PCDHA8: variants seen among roughly 807,000 people sequenced by gnomAD.
PCDHA8 encodes the protein protocadherin alpha 8.
In PCDHA8, 53 loss-of-function variants were observed where a neutral mutation model predicts 61.8. That is an observed-to-expected ratio of 0.86 (90% CI 0.69 to 1.08). The LOEUF is 1.08. PCDHA8 is among the 50% of genes least tolerant of loss of function. PCDHA8 has a pLI of 0.00. For synonymous variants in PCDHA8, 618 were observed against 556.6 expected (o/e 1.11, Z -1.55); for missense variants, 1,293 against 1,245.0 (o/e 1.04, Z -0.58).
intron 3 of PCDHA8, among the ~76,000 whole-genome samples, chr5:141,005,701 CAAAAAAAAAAAAAAAAAA>C (rs59860837): frequency 2.6e-4 from 2 of 7,786 alleles, no homozygotes; most frequent in Non-Finnish European, 5.4e-4. Flanking sequence ...AACTCCGTCT[CAAAAAAAAAAAAAAAAAA>C]AAAAAAAAAA....
intron 1 of PCDHA8, chr5:140,868,005 T>C (rs1405523098): frequency 6.6e-6 from 1 of 152,108 alleles, no homozygotes; most frequent in East Asian, 1.9e-4. Flanking sequence ...TATAACTGAA[T>C]TAGATTAAGG....
At chr5:140,952,160 G>A (rs952147312) in intron 1 of PCDHA8, among the ~76,000 whole-genome samples, 1 of 152,044 alleles carries the variant, frequency 6.6e-6, no homozygotes, top group Non-Finnish European at 1.5e-5. Context: ...GGCTTTGTGG[G>A]GTTCAGTTCC....
At chr5:140,844,146 A>G (rs1056681888) in intron 1 of PCDHA8, among the ~76,000 whole-genome samples, 1 of 149,130 alleles carries the variant, frequency 6.7e-6, no homozygotes, top group Non-Finnish European at 1.5e-5. Flanking sequence ...TTGTCTTTAT[A>G]TTTACTTTTA....
At chr5:140,945,955 A>C (rs1174972799) in intron 1 of PCDHA8, among the ~76,000 whole-genome samples, 2 of 152,136 alleles carry the variant, frequency 1.3e-5, no homozygotes, top group African/African-American at 4.8e-5. Context: ...TGACCCTGAA[A>C]GCACAGGCAA....
chr5:140,865,725 A>T (rs1326307411), intron 1 of PCDHA8: 1 of 152,210 alleles, frequency 6.6e-6, no homozygotes, highest in Non-Finnish European at 1.5e-5. Context: ...AGAAGCTGAG[A>T]TGTGTATCTA....
intron 3 of PCDHA8, among the ~76,000 whole-genome samples, chr5:141,006,156 TA>T (rs1554260585): frequency 6.6e-6 from 1 of 151,588 alleles, no homozygotes; most frequent in East Asian, 1.9e-4. Flanking sequence ...AGGAGTGATA[TA>T]ATCTGATTTA....
rs782516685 is a variant in PCDHA8, at chr5:140,883,846, G to T, written c.2394+40131G>T. ...ACGCGCTGCAGCCGTTGGACCACGAGGAGCTGGAGCTGTTGCAGTTCCAGG... is the reference window on the plus strand; with the variant it reads ...ACGCGCTGCAGCCGTTGGACCACGATGAGCTGGAGCTGTTGCAGTTCCAGG... On this transcript the variant is annotated intron_variant, in intron 1 of 3. Coordinates refer to ENST00000531613, the MANE Select transcript of PCDHA8 (RefSeq NM_018911.3). 7 of 1,612,790 alleles carry T rather than the reference G, an allele frequency of 4.3e-6. No individual in the cohort carries two copies. In the East Asian group the frequency reaches 1.3e-4, roughly 31 times the overall value.
chr5:140,931,578 C>T (rs2087609680), intron 1 of PCDHA8, among the ~76,000 whole-genome samples: 1 of 152,008 alleles, frequency 6.6e-6, no homozygotes, highest in South Asian at 2.1e-4. Flanking sequence ...CCCATTCATT[C>T]AGTTGAACAG....
rs142949338 is a variant in PCDHA8 at position 140,927,554 on chromosome 5, T to G, written c.2395-51395T>G. On this transcript the variant is annotated intron_variant, in intron 1 of 3. Coordinates refer to ENST00000531613, the MANE Select transcript of PCDHA8 (RefSeq NM_018911.3). ...CGCTCAGGAGACGCACAAGTCACCA[T>G]CATTGTGGTGGACACAAATGACAAC... The G allele has an allele frequency of 5.6e-6, 9 of 1,614,020 alleles. No individual in the cohort carries two copies. The African/African-American group carries it at 1.1e-4, about 19-fold the overall frequency.
At chr5:140,921,726 A>C (rs1278671755) in intron 1 of PCDHA8, among the ~76,000 whole-genome samples, 1 of 152,170 alleles carries the variant, frequency 6.6e-6, no homozygotes, top group East Asian at 1.9e-4. Flanking sequence ...AATTACTCCC[A>C]TAAAAATTAT....
At position 140,877,186 on chromosome 5, in the gene PCDHA8, A is replaced by C; in HGVS notation, c.2394+33471A>C. On this transcript the variant is annotated intron_variant, in intron 1 of 3. Coordinates refer to ENST00000531613, the MANE Select transcript of PCDHA8 (RefSeq NM_018911.3). The stretch of plus-strand genomic sequence containing the variant: ...GGCACTGCTGGCGACTCCGGCTGGC[A>C]GCGCAGGAGGCGCAGTTAGCGAGTT... 1 of 1,613,832 alleles carries C rather than the reference A, an allele frequency of 6.2e-7. No homozygotes were observed. Among genetic ancestry groups the C allele is most frequent in the Non-Finnish European group, 8.5e-7 (1 of 1,179,822 alleles).
intron 3 of PCDHA8, among the ~76,000 whole-genome samples, chr5:140,988,428 G>A (rs1186229744): frequency 6.6e-6 from 1 of 152,160 alleles, no homozygotes; most frequent in Non-Finnish European, 1.5e-5. Context: ...GAATTTGTTT[G>A]TTTTGGATTG....
At chr5:140,999,138 C>G (rs530740266) in intron 3 of PCDHA8, among the ~76,000 whole-genome samples, 1 of 152,258 alleles carries the variant, frequency 6.6e-6, no homozygotes, top group East Asian at 1.9e-4. Context: ...AATGTCACAG[C>G]CGGAAGTCTT....
intron 1 of PCDHA8, among the ~76,000 whole-genome samples, chr5:140,924,894 CAAAA>C (rs782133089): frequency 1.1e-4 from 8 of 71,470 alleles, no homozygotes; most frequent in African/African-American, 3.4e-4. Flanking sequence ...GAACCTGTCT[CAAAA>C]AAAAAAATAA....
intron 1 of PCDHA8, among the ~76,000 whole-genome samples, chr5:140,921,218 T>G (rs1554200138): frequency 6.6e-6 from 1 of 152,126 alleles, no homozygotes; most frequent in African/African-American, 2.4e-5. Context: ...TTCACGTCTT[T>G]TTTGCTAGAT....
In PCDHA8 at chr5:140,843,615, C is replaced by A. The variant is rs111750019; in HGVS notation, c.2294C>A (p.Pro765Gln). Reference protein sequence around the residue: ...PQRVCSGEGPPKTDLMAFSPC... With the variant: ...PQRVCSGEGPQKTDLMAFSPC... ...AGGGTGTGCTCTGGTGAGGGGCCAC[C>A]GAAGACGGACCTCATGGCCTTCAGC... The change falls in exon 1 of 4, where the codon CCG becomes CAG. Residue 765 changes from proline to glutamine, a missense_variant. Pro to Gln is a moderately conservative substitution (Grantham distance 76, BLOSUM62 -1). Transcript: ENST00000531613. 4.2e-5 allele frequency: 67 copies of A among 1,596,016 alleles called. 5 individuals are homozygous for A. In the African/African-American group the frequency reaches 5.8e-4, roughly 14 times the overall value.
intron 1 of PCDHA8, among the ~76,000 whole-genome samples, chr5:140,964,981 T>C (rs2095867317): frequency 6.6e-6 from 1 of 152,188 alleles, no homozygotes; most frequent in Non-Finnish European, 1.5e-5. Context: ...ATGTGCTAGT[T>C]CAGGCCTTTG....
In PCDHA8 at chr5:140,946,631, T is replaced by TATATATATATATACAC. The variant is rs57893927; in HGVS notation, c.2395-32317_2395-32316insTATATATATATACACA. ...TGTGAAATATATATATATATATATA[T>TATATATATATATACAC]ACAATGGAATACTCATCAGCCATTA... On this transcript the variant is annotated intron_variant, in intron 1 of 3. Coordinates refer to ENST00000531613, the MANE Select transcript of PCDHA8 (RefSeq NM_018911.3). Among the ~76,000 whole-genome samples the TATATATATATATACAC allele has an allele frequency of 4.3e-4, 57 of 131,850 alleles. 1 individual carries two copies. Among genetic ancestry groups the TATATATATATATACAC allele is most frequent in the East Asian group, 1.6e-3 (8 of 4,866 alleles). The allele number at this position is 131,850 out of a possible 152,430, so 86.5% of individuals were successfully genotyped here.
chr5:140,877,488 C>A lies in PCDHA8; in HGVS notation c.2394+33773C>A, dbSNP rs781785108. On this transcript the variant is annotated intron_variant, in intron 1 of 3. Coordinates refer to ENST00000531613, the MANE Select transcript of PCDHA8 (RefSeq NM_018911.3). ...CGGTGCTGGTGTCGCTGGTGGAGAACGGCCAGGCCCCAAAGACGTCGTCGC... is the reference window on the plus strand; with the variant it reads ...CGGTGCTGGTGTCGCTGGTGGAGAAAGGCCAGGCCCCAAAGACGTCGTCGC... The A allele has an allele frequency of 2.5e-6, 4 of 1,613,736 alleles. No individual in the cohort carries two copies. The African/African-American group carries it at 5.3e-5, about 22-fold the overall frequency.
Sources: allele counts gnomAD v4.1 joint callset (sites outside exome capture counted in the v4.1 genomes callset), GRCh38; gene constraint gnomAD v4.1.1; transcripts MANE v1.5; gene names NCBI Gene and HGNC (gene_info 2026-07-23, HGNC 2026-07-21).